CROT: variants seen among roughly 807,000 people sequenced by gnomAD.
CROT encodes carnitine O-octanoyltransferase.
Under a neutral mutation model 89.2 loss-of-function variants are expected in CROT, and 84 were observed. The observed-to-expected ratio is 0.94, with a 90% CI of 0.79 to 1.13. The LOEUF (loss-of-function observed/expected upper bound fraction) is 1.13. Among genes scored for constraint, CROT ranks in the 50% most tolerant of loss-of-function variants. The pLI is 0.00. For synonymous variants in CROT, 212 were observed against 239.5 expected (o/e 0.89, Z 1.06); for missense variants, 711 against 727.8 (o/e 0.98, Z 0.27).
In CROT at chr7:87,392,648, CTTAAG is replaced by C; in HGVS notation, c.1504+9_1504+13del. Reference sequence around the variant, plus strand: ...AAAGATTGTTCAGCTGGAAAAGGTACTTAAGTTAAAATTTTTCTGACTTAAAAATC... The same window carrying C: ...AAAGATTGTTCAGCTGGAAAAGGTACTTAAAATTTTTCTGACTTAAAAATC... On this transcript the variant is annotated splice_donor_5th_base_variant and intron_variant, in intron 15 of 17. Transcript: ENST00000331536. 1 of 1,612,316 alleles carries C rather than the reference CTTAAG, an allele frequency of 6.2e-7. No homozygotes were observed.
At chr7:87,376,579 T>C (rs1806818788) in intron 9 of CROT, among the ~76,000 whole-genome samples, 2 of 151,934 alleles carry the variant, frequency 1.3e-5, no homozygotes, top group Admixed American at 1.3e-4. Flanking sequence ...TTAATCGGTA[T>C]TAAATAATAG....
chr7:87,356,316 T>C (rs1806067650), intron 3 of CROT, among the ~76,000 whole-genome samples: 1 of 152,238 alleles, frequency 6.6e-6, no homozygotes, highest in Admixed American at 6.5e-5. Context: ...GTAGTCTTCA[T>C]GAAAGTTTGA....
At chr7:87,395,269 G>GT (rs1807489888) in intron 17 of CROT, among the ~76,000 whole-genome samples, 3 of 70,524 alleles carry the variant, frequency 4.3e-5, no homozygotes, top group Non-Finnish European at 9.0e-5. Flanking sequence ...AGTCTTTTCA[G>GT]GTTTTTCTGC....
chr7:87,393,148 T>A, intron 17 of CROT, 81 bp downstream of exon 17: 1 of 1,427,610 alleles, frequency 7.0e-7, no homozygotes, highest in Admixed American at 2.2e-5. Flanking sequence ...TTTCCTACAC[T>A]GTGATTCTTA....
rs1372970324 is a variant in CROT at position 87,398,692 on chromosome 7, G to A, written c.*48G>A. On this transcript the variant is annotated 3_prime_UTR_variant, in exon 18 of 18. Transcript: ENST00000331536. Reference sequence around the variant, plus strand: ...TTACCAAAACATATCATTAAACTGAGTGCTGGGAGTGAGTTGGTAATATGA... The same window carrying A: ...TTACCAAAACATATCATTAAACTGAATGCTGGGAGTGAGTTGGTAATATGA... 9.6e-6 allele frequency: 15 copies of A among 1,570,500 alleles called. No individual in the cohort carries two copies. Among genetic ancestry groups the A allele is most frequent in the African/African-American group, 1.4e-5 (1 of 74,040 alleles).
At chr7:87,397,872 C>T (rs1488522964) in intron 17 of CROT, among the ~76,000 whole-genome samples, 1 of 152,086 alleles carries the variant, frequency 6.6e-6, no homozygotes, top group Non-Finnish European at 1.5e-5. Context: ...AATTTTGAGC[C>T]TAATTCATAT....
intron 6 of CROT, among the ~76,000 whole-genome samples, chr7:87,366,019 A>G (rs1806435283): frequency 2.6e-5 from 4 of 152,152 alleles, no homozygotes; most frequent in Non-Finnish European, 5.9e-5. Context: ...TGTTCATGTT[A>G]TCCCTTGTCA....
At chr7:87,358,836 C>T (rs1025447348) in intron 3 of CROT, among the ~76,000 whole-genome samples, 27 of 152,102 alleles carry the variant, frequency 1.8e-4, no homozygotes, top group African/African-American at 6.5e-4. Context: ...GCAGTTCAAA[C>T]TCGTGTTGTT....
intron 3 of CROT, among the ~76,000 whole-genome samples, chr7:87,351,382 G>A (rs1805865638): frequency 6.6e-6 from 1 of 151,574 alleles, no homozygotes; most frequent in African/African-American, 2.4e-5. Flanking sequence ...ATTGGAATTG[G>A]AATGGCTTAA....
chr7:87,359,474 T>C, intron 4 of CROT, 144 bp downstream of exon 4: 1 of 1,394,982 alleles, frequency 7.2e-7, no homozygotes, highest in East Asian at 2.7e-5. Context: ...AATGAATCAC[T>C]TAACTTTGGG....
chr7:87,384,589 T>C (rs2116070251), intron 13 of CROT, among the ~76,000 whole-genome samples: 1 of 152,224 alleles, frequency 6.6e-6, no homozygotes, highest in East Asian at 1.9e-4. Flanking sequence ...TGTGTTGCTA[T>C]TGAGTTTTTT....
rs201394030 is a variant in CROT at position 87,349,174 on chromosome 7, C to T, written c.106C>T (p.Leu36Phe). The change falls in exon 3 of 18, where the codon CTT becomes TTT. Residue 36 changes from leucine to phenylalanine, a missense_variant. Physicochemically the swap from Leu to Phe is conservative, Grantham distance 22 (BLOSUM62 0). Transcript: ENST00000331536. The part of the protein sequence containing the change: ...PSLEESLKKY[L>F]ESVKPFANQE... ...ACTTGAAGAATCATTAAAAAAATAC[C>T]TTGAATCAGGTATGTTAATAATCTT... 6.6e-7 allele frequency: 1 copy of T among 1,526,694 alleles called. No individual in the cohort carries two copies. Among genetic ancestry groups the T allele is most frequent in the Admixed American group, 1.7e-5 (1 of 58,012 alleles). 94.6% of individuals were successfully genotyped at this position (1,526,694 alleles called of 1,614,324 possible). A position where few individuals can be genotyped will look rare whatever the true frequency, so the allele number is the denominator to read the frequency against.
At position 87,390,823 on chromosome 7, in the gene CROT, G is replaced by A. The variant is rs1038573859; in HGVS notation, c.1302-766G>A. Reference sequence around the variant, plus strand: ...TCTGTGTAATAAATTACCCCAAAACGTAGTGGCTTAAAACACATACTTTTT... The same window carrying A: ...TCTGTGTAATAAATTACCCCAAAACATAGTGGCTTAAAACACATACTTTTT... On this transcript the variant is annotated intron_variant, in intron 13 of 17. Transcript: ENST00000331536. Among the ~76,000 whole-genome samples, 20 of 152,292 alleles carry A rather than the reference G, an allele frequency of 1.3e-4. No individual in the cohort carries two copies. The East Asian group carries it at 1.7e-3, about 13-fold the overall frequency.
At position 87,387,091 on chromosome 7, in the gene CROT, G is replaced by GT. The variant is rs887059196; in HGVS notation, c.1302-4492dup. Among the ~76,000 whole-genome samples the GT allele has an allele frequency of 1.1e-4, 16 of 151,770 alleles. No individual in the cohort carries two copies. In the South Asian group the frequency reaches 1.9e-3, roughly 18 times the overall value. On this transcript the variant is annotated intron_variant, in intron 13 of 17. Transcript: ENST00000331536. The stretch of plus-strand genomic sequence containing the variant: ...CTGTTTCTCTTACCTTCTGCTTGAA[G>GT]TTTTTTGCTTCTCTCTGGCCCCTGG...
chr7:87,367,170 C>A (rs1806475040), intron 6 of CROT, among the ~76,000 whole-genome samples: 1 of 152,162 alleles, frequency 6.6e-6, no homozygotes. Context: ...GGGACGTTAT[C>A]CTAGATTATT....
intron 3 of CROT, among the ~76,000 whole-genome samples, chr7:87,349,622 G>A (rs139885861): frequency 6.6e-6 from 1 of 152,188 alleles, no homozygotes; most frequent in Admixed American, 6.5e-5. Flanking sequence ...ACTTTCTACT[G>A]TTGTAGGAGT....
chr7:87,369,431 T>C lies in CROT; in HGVS notation c.603T>C (p.Phe201=). The change falls in exon 7 of 18, where the codon TTT becomes TTC. Residue 201 remains phenylalanine (F), a synonymous_variant. Coordinates refer to ENST00000331536, the MANE Select transcript of CROT (RefSeq NM_021151.4). ...TAGTGCTGTGTCGAGGCCGAGCTTT[T>C]GTCTTTGATGTAATACATGAAGGAT... ...HIVVLCRGRA[F]VFDVIHEGCL... is the part of the protein sequence containing the mutation. 1 of 1,613,532 alleles carries C rather than the reference T, an allele frequency of 6.2e-7. No individual in the cohort carries two copies. The highest frequency in any genetic ancestry group is 8.5e-7 in the Non-Finnish European group (1 of 1,179,704).
chr7:87,382,131 G>A lies in CROT; in HGVS notation c.1120G>A (p.Glu374Lys), dbSNP rs371155475. ...AGAAGAGCTCATTTTCATTGTGGAT[G>A]AGAAAGTTTTAAATGACATCAACCA... The part of the protein sequence containing the change: ...LPEELIFIVD[E>K]KVLNDINQAK... The change falls in exon 12 of 18, where the codon GAG becomes AAG. Residue 374 changes from glutamate to lysine, a missense_variant. By Grantham distance (56) the Glu-to-Lys change is moderately conservative. Transcript: ENST00000331536. 10 of 1,613,534 alleles carry A rather than the reference G, an allele frequency of 6.2e-6. No individual in the cohort carries two copies. Among genetic ancestry groups the A allele is most frequent in the South Asian group, 1.1e-5 (1 of 91,050 alleles).
intron 10 of CROT, among the ~76,000 whole-genome samples, chr7:87,380,648 A>T (rs1257010382): frequency 2.6e-5 from 4 of 152,224 alleles, no homozygotes; most frequent in Admixed American, 2.0e-4. Context: ...TCAGGATAGC[A>T]TTGGAATTTT....
Sources: allele counts gnomAD v4.1 joint callset (sites outside exome capture counted in the v4.1 genomes callset), GRCh38; gene constraint gnomAD v4.1.1; transcripts MANE v1.5; gene names NCBI Gene and HGNC (gene_info 2026-07-23, HGNC 2026-07-21).